PCNX3: variants seen among roughly 807,000 people sequenced by gnomAD.
The protein encoded by PCNX3 is pecanex 3.
A neutral mutation model predicts 207.2 loss-of-function variants in PCNX3; 58 were observed. That is an observed-to-expected ratio of 0.28 (90% CI 0.23 to 0.35). The LOEUF (loss-of-function observed/expected upper bound fraction) is 0.35. PCNX3 is among the 10% of genes least tolerant of loss of function. The pLI, the probability that PCNX3 is intolerant of heterozygous loss-of-function variation, is 1.00. For synonymous variants in PCNX3, 1,337 were observed against 1,183.5 expected (o/e 1.13, Z -2.66); for missense variants, 2,410 against 2,774.4 (o/e 0.87, Z 2.95).
In PCNX3 at chr11:65,636,469, C is replaced by T. The variant is rs1488201006; in HGVS notation, c.5672C>T (p.Pro1891Leu). 3.2e-6 allele frequency: 5 copies of T among 1,563,516 alleles called. No individual in the cohort carries two copies. The highest frequency in any genetic ancestry group is 2.7e-5 in the African/African-American group (2 of 72,756). Residue 1891 changes from proline (P) to leucine (L), a missense_variant, in exon 34 of 35, where the codon CCC (proline) becomes CTC (leucine). Pro to Leu is a moderately conservative substitution (Grantham distance 98). Transcript: ENST00000355703. Reference sequence around the variant, plus strand: ...CTGAGTGGCTCTGGTGATGGGCGGCCCCCACCTCTGCTGCAGTGGCCTCCC... The same window carrying T: ...CTGAGTGGCTCTGGTGATGGGCGGCTCCCACCTCTGCTGCAGTGGCCTCCC... ...SSLSGSGDGR[P>L]PPLLQWPPPR...
intron 15 of PCNX3, 108 bp from the exon 16 acceptor site, chr11:65,624,817 G>T: frequency 8.6e-7 from 1 of 1,166,336 alleles, no homozygotes; most frequent in Non-Finnish European, 1.2e-6. Flanking sequence ...TGGGCTGGGG[G>T]TGCCTTTCCA....
Position 65,622,254 on chromosome 11 carries a change from C to A in PCNX3, c.2245C>A (p.Leu749Met), listed in dbSNP as rs757206194. 6.2e-7 allele frequency: 1 copy of A among 1,604,554 alleles called. No homozygotes were observed. The highest frequency in any genetic ancestry group is 8.5e-7 in the Non-Finnish European group (1 of 1,176,088). The change falls in exon 11 of 35, where the codon CTG (leucine) becomes ATG (methionine). Residue 749 changes from leucine to methionine, a missense_variant. Around this residue, in one of 8 missense-constraint regions of PCNX3, gnomAD observed 177 missense variants for 257.5 expected, o/e 0.69. Coordinates refer to ENST00000355703, the MANE Select transcript of PCNX3 (RefSeq NM_032223.4). ...CCTGCACGAATCCCAGGAGCAGACACTGATGGAAGAAGCGCCACCCCGGGC... is the reference window on the plus strand; with the variant it reads ...CCTGCACGAATCCCAGGAGCAGACAATGATGGAAGAAGCGCCACCCCGGGC... Reference protein sequence around the residue: ...VPLEIPEEQTLMEEAPPRAQH... With the variant: ...VPLEIPEEQTMMEEAPPRAQH...
intron 27 of PCNX3, among the ~76,000 whole-genome samples, chr11:65,632,123 C>T (rs563506772): frequency 1.3e-5 from 2 of 152,192 alleles, no homozygotes; most frequent in African/African-American, 4.8e-5. Context: ...CTAGGGCCAG[C>T]AGGTTGAGAT....
At chr11:65,630,011 C>T (rs1179878721) in intron 26 of PCNX3, among the ~76,000 whole-genome samples, 1 of 152,246 alleles carries the variant, frequency 6.6e-6, no homozygotes, top group African/African-American at 2.4e-5. Flanking sequence ...TCTGAGTTCT[C>T]ACACCCAGCC....
intron 27 of PCNX3, 66 bp downstream of exon 27, chr11:65,630,670 C>A (rs1855582512): frequency 1.9e-6 from 3 of 1,554,130 alleles, no homozygotes; most frequent in Middle Eastern, 2.3e-4. Flanking sequence ...ACCAGAGGCC[C>A]CAGTACCCCC....
intron 27 of PCNX3, among the ~76,000 whole-genome samples, chr11:65,632,435 C>T (rs1855654159): frequency 6.6e-6 from 1 of 150,642 alleles, no homozygotes; most frequent in Non-Finnish European, 1.5e-5. Context: ...TTAGCTTTGC[C>T]CTTCCCGTGG....
chr11:65,618,863 G>A lies in PCNX3; in HGVS notation c.1501G>A (p.Ala501Thr). The A allele has an allele frequency of 6.2e-7, 1 of 1,610,876 alleles. No individual in the cohort carries two copies. Among genetic ancestry groups the A allele is most frequent in the South Asian group, 1.1e-5 (1 of 90,780 alleles). The change falls in exon 6 of 35, where the codon GCC becomes ACC. Residue 501 changes from alanine (A) to threonine (T), a missense_variant. Around this residue, in one of 8 missense-constraint regions of PCNX3, gnomAD observed 1,104 missense variants for 970.3 expected, o/e 1.14. Transcript: ENST00000355703. ...TAGTACCGCCAGCGCTAAAACACATGCCCGTGTGCTGAGCATGGATGGGGC... is the reference window on the plus strand; with the variant it reads ...TAGTACCGCCAGCGCTAAAACACATACCCGTGTGCTGAGCATGGATGGGGC... ...TPSTASAKTH[A>T]RVLSMDGAGG... is the part of the protein sequence containing the mutation.
Position 65,616,782 on chromosome 11 carries a change from C to T in PCNX3, c.154-42C>T, listed in dbSNP as rs937170432. 2.1e-5 allele frequency: 34 copies of T among 1,583,588 alleles called. No homozygotes were observed. The East Asian group carries it at 3.6e-4, about 17-fold the overall frequency. ...TGATGGCAGGTACATCCTGTGGGGG[C>T]GAGGCTTTGTGAAAAGGGACCTGGC... On this transcript the variant is annotated intron_variant, in intron 1 of 34. Coordinates refer to ENST00000355703, the MANE Select transcript of PCNX3 (RefSeq NM_032223.4).
At chr11:65,623,677 C>G in intron 12 of PCNX3, 33 bp downstream of exon 12, 2 of 1,600,050 alleles carry the variant, frequency 1.2e-6, no homozygotes, top group Non-Finnish European at 1.7e-6. Context: ...TCCTTCCCCA[C>G]CCGACTTTTC....
At chr11:65,616,574 A>G in intron 1 of PCNX3, 110 bp downstream of exon 1, 1 of 1,326,744 alleles carries the variant, frequency 7.5e-7, no homozygotes, top group Non-Finnish European at 1.0e-6. Context: ...GAATCACTGC[A>G]GAGTTTGGGT....
chr11:65,618,717 G>T lies in PCNX3; in HGVS notation c.1355G>T (p.Cys452Phe). The T allele has an allele frequency of 6.2e-7, 1 of 1,612,836 alleles. No homozygotes were observed. ...ACTGACAGCTCCTCTTCTACTTCCT[G>T]CTACTCCCCTGAGAGCTCCCGGGGT... is the stretch of plus-strand genomic sequence containing the variant. ...YSTDSSSSTS[C>F]YSPESSRGAA... The change falls in exon 6 of 35, where the codon TGC (cysteine) becomes TTC (phenylalanine). Residue 452 changes from cysteine to phenylalanine, a missense_variant. Cys to Phe is a radical substitution (Grantham distance 205). This residue lies in a region of PCNX3 where 1,104 missense variants were observed against 970.3 expected (regional missense o/e 1.14). Coordinates refer to ENST00000355703, the MANE Select transcript of PCNX3 (RefSeq NM_032223.4).
intron 27 of PCNX3, among the ~76,000 whole-genome samples, chr11:65,632,430 T>C (rs1240084008): frequency 1.4e-5 from 2 of 147,396 alleles, no homozygotes; most frequent in Admixed American, 1.4e-4. Flanking sequence ...TCCCGTTAGC[T>C]TTGCCCTTCC....
intron 11 of PCNX3, 93 bp from the exon 12 acceptor site, chr11:65,623,398 A>C: frequency 3.4e-6 from 5 of 1,451,564 alleles, no homozygotes; most frequent in Non-Finnish European, 4.6e-6. Context: ...GCACAGTCCC[A>C]GAGCTGGGCC....
chr11:65,622,110 A>G, intron 10 of PCNX3, 135 bp from the exon 11 acceptor site: 1 of 1,413,812 alleles, frequency 7.1e-7, no homozygotes, highest in Non-Finnish European at 9.3e-7. Flanking sequence ...TTATGTGCTG[A>G]TGGAAATGGT....
Position 65,625,303 on chromosome 11 carries a change from G to GT in PCNX3, c.3029+26dup. 1 of 1,598,320 alleles carries GT rather than the reference G, an allele frequency of 6.3e-7. No homozygotes were observed. The highest frequency in any genetic ancestry group is 1.1e-5 in the South Asian group (1 of 90,692). On this transcript the variant is annotated intron_variant, in intron 17 of 34. Coordinates refer to ENST00000355703, the MANE Select transcript of PCNX3 (RefSeq NM_032223.4). The surrounding 1 kb of genome is among the most constrained non-coding windows in gnomAD (Gnocchi z 5.6). ...CTGGTGGGTGTGCTCCGGGTCGTGT[G>GT]TTTGTGTCTGCCCAGTAGGGGTTTG...
At chr11:65,634,833 T>A in intron 29 of PCNX3, 140 bp from the exon 30 acceptor site, 1 of 1,295,238 alleles carries the variant, frequency 7.7e-7, no homozygotes, top group African/African-American at 1.5e-5. Flanking sequence ...GTGAGAGACA[T>A]GGGCAGAGAT....
intron 13 of PCNX3, 45 bp from the exon 14 acceptor site, chr11:65,624,150 G>T: frequency 6.3e-7 from 1 of 1,578,278 alleles, no homozygotes; most frequent in Admixed American, 1.8e-5. Flanking sequence ...TGTCAGAGGT[G>T]TGGCCAGTCG....
chr11:65,634,941 T>A (rs1444495120), intron 29 of PCNX3, 32 bp from the exon 30 acceptor site: 1 of 1,596,642 alleles, frequency 6.3e-7, no homozygotes, highest in South Asian at 1.1e-5. Context: ...TCGACACCCC[T>A]CTCTCCCCTC....
chr11:65,618,589 A>G lies in PCNX3; in HGVS notation c.1227A>G (p.Arg409=). Residue 409 remains arginine, a synonymous_variant, in exon 6 of 35, where the codon CGA becomes CGG. Coordinates refer to ENST00000355703, the MANE Select transcript of PCNX3 (RefSeq NM_032223.4). Reference sequence around the variant, plus strand: ...ACTCTCCACCTGGCCGTGCCCCTCGACGGCCCCTGCTTGAAGGTGGGGGCT... The same window carrying G: ...ACTCTCCACCTGGCCGTGCCCCTCGGCGGCCCCTGCTTGAAGGTGGGGGCT... ...RRHSPPGRAP[R]RPLLEGGGFF... The G allele has an allele frequency of 4.3e-6, 7 of 1,612,066 alleles. No homozygotes were observed. The highest frequency in any genetic ancestry group is 1.1e-5 in the South Asian group (1 of 91,066).
Sources: gnomAD v4.1 joint callset for allele counts (sites outside exome capture counted in the v4.1 genomes callset) on GRCh38, gnomAD v4.1.1 for gene constraint, gnomAD v4.1.1 regional missense constraint, Gnocchi (gnomAD v3.1) non-coding constraint, MANE v1.5 for transcripts, NCBI Gene and HGNC (gene_info 2026-07-23, HGNC 2026-07-21) for gene names.